CFDP1: variants seen among roughly 807,000 people sequenced by gnomAD.
CFDP1 encodes heterochromatin-stabilizing protein CFDP1.
CFDP1 carries 31 observed loss-of-function variants against 40.1 expected under a neutral mutation model. The observed-to-expected ratio is 0.77, with a 90% CI of 0.58 to 1.04. CFDP1 has a LOEUF of 1.04. Among genes scored for constraint, CFDP1 ranks in the 50% least tolerant of loss-of-function variants. The pLI, the probability that CFDP1 is intolerant of heterozygous loss-of-function variation, is 0.00. For missense variants in CFDP1, 423 were observed against 343.4 expected (o/e 1.23, Z -1.83); for synonymous variants, 167 against 120.0 (o/e 1.39, Z -2.56).
At chr16:75,353,383 T>C (rs897640632) in intron 5 of CFDP1, among the ~76,000 whole-genome samples, 2 of 152,142 alleles carry the variant, frequency 1.3e-5, no homozygotes. Context: ...ATATCAAAAA[T>C]TTATGTGTAA....
chr16:75,423,258 G>C (rs2079299954), intron 1 of CFDP1, among the ~76,000 whole-genome samples: 1 of 146,572 alleles, frequency 6.8e-6, no homozygotes, highest in African/African-American at 2.5e-5. Context: ...GCCAGCCTGG[G>C]TGACAGAGCA....
chr16:75,427,456 T>C (rs150034697), intron 1 of CFDP1, among the ~76,000 whole-genome samples: 2,097 of 152,214 alleles, frequency 0.014, 42 homozygotes, highest in African/African-American at 0.045. Flanking sequence ...TTTCAACATA[T>C]TGGCCAGGCT....
chr16:75,411,861 A>G lies in CFDP1; in HGVS notation c.494T>C (p.Ile165Thr). 6.2e-7 allele frequency: 1 copy of G among 1,611,524 alleles called. No homozygotes were observed. Among genetic ancestry groups the G allele is most frequent in the Non-Finnish European group, 8.5e-7 (1 of 1,179,520 alleles). ...EKPKETEKVK[I>T]TKVFDFAGEE... ...ACCAGCAAAATCAAACACCTTGGTGATTTTAACTTTTTCTGTTTCTTTAGG... is the reference window on the plus strand; with the variant it reads ...ACCAGCAAAATCAAACACCTTGGTGGTTTTAACTTTTTCTGTTTCTTTAGG... Residue 165 changes from isoleucine (I) to threonine (T), a missense_variant, in exon 4 of 7, where the codon ATC becomes ACC. Ile to Thr is a moderately conservative substitution (Grantham distance 89, BLOSUM62 -1). Transcript: ENST00000283882.
intron 6 of CFDP1, among the ~76,000 whole-genome samples, chr16:75,303,194 C>T (rs1803149725): frequency 6.7e-6 from 1 of 149,480 alleles, no homozygotes; most frequent in South Asian, 2.2e-4. Flanking sequence ...GGTGAAACCC[C>T]GTCTCTACTA....
intron 5 of CFDP1, among the ~76,000 whole-genome samples, chr16:75,365,765 G>A (rs1174324783): frequency 6.6e-6 from 1 of 152,090 alleles, no homozygotes; most frequent in Non-Finnish European, 1.5e-5. Flanking sequence ...CATCAGAGAA[G>A]ATATACAAAT....
intron 4 of CFDP1, among the ~76,000 whole-genome samples, chr16:75,410,283 C>T (rs560210798): frequency 6.6e-6 from 1 of 152,030 alleles, no homozygotes; most frequent in East Asian, 1.9e-4. Flanking sequence ...GGCACTTCCT[C>T]TGTTCTCATG....
chr16:75,311,808 T>C (rs1322523082), intron 5 of CFDP1, among the ~76,000 whole-genome samples: 1 of 151,470 alleles, frequency 6.6e-6, no homozygotes, highest in Non-Finnish European at 1.5e-5. Context: ...TCTTGCTATG[T>C]TGCCCAGACT....
At chr16:75,351,395 T>A (rs1249493050) in intron 5 of CFDP1, among the ~76,000 whole-genome samples, 1 of 152,182 alleles carries the variant, frequency 6.6e-6, no homozygotes, top group Non-Finnish European at 1.5e-5. Flanking sequence ...ATACCAGGTC[T>A]GGGACAGGAA....
chr16:75,332,446 C>T (rs1437174163), intron 5 of CFDP1, among the ~76,000 whole-genome samples: 1 of 151,816 alleles, frequency 6.6e-6, no homozygotes, highest in Non-Finnish European at 1.5e-5. Context: ...GCCTGGGTGA[C>T]AGAGTGAGAC....
chr16:75,382,008 C>T (rs936440387), intron 5 of CFDP1, among the ~76,000 whole-genome samples: 2 of 151,666 alleles, frequency 1.3e-5, no homozygotes, highest in Non-Finnish European at 1.5e-5. Context: ...CCCAGCTACA[C>T]AGGAGGCTGA....
At chr16:75,360,704 C>G (rs146714690) in intron 5 of CFDP1, among the ~76,000 whole-genome samples, 1 of 152,234 alleles carries the variant, frequency 6.6e-6, no homozygotes, top group African/African-American at 2.4e-5. Flanking sequence ...CAGAATAAGT[C>G]TTATTAATAA....
chr16:75,299,981 G>A (rs1392069704), intron 6 of CFDP1, among the ~76,000 whole-genome samples: 3 of 152,100 alleles, frequency 2.0e-5, no homozygotes, highest in Non-Finnish European at 4.4e-5. Flanking sequence ...GGGGAGAAGA[G>A]GACAGAGGTA....
chr16:75,384,755 G>A lies in CFDP1; in HGVS notation c.650+10335C>T, dbSNP rs1031467873. ...TGGAAGTCACAAAATGGAATACCAG[G>A]CAGGCATAAAAAAAATACAGATGTT... On this transcript the variant is annotated intron_variant, in intron 5 of 6. Transcript: ENST00000283882. Among the ~76,000 whole-genome samples, 2 of 151,218 alleles carry A rather than the reference G, an allele frequency of 1.3e-5. 1 individual carries two copies. The highest frequency in any genetic ancestry group is 4.2e-4 in the South Asian group (2 of 4,802).
rs955372852 is a variant in CFDP1 at position 75,387,780 on chromosome 16, T to C, written c.650+7310A>G. Reference sequence around the variant, plus strand: ...CACATCTTGTCCACAGCTTCACTGTTGCTGCTGACAGGTATCAATGTACAA... The same window carrying C: ...CACATCTTGTCCACAGCTTCACTGTCGCTGCTGACAGGTATCAATGTACAA... On this transcript the variant is annotated intron_variant, in intron 5 of 6. Transcript: ENST00000283882. 5.9e-5 allele frequency among the ~76,000 whole-genome samples: 9 copies of C among 152,240 alleles called. No individual in the cohort carries two copies. In the East Asian group the frequency reaches 1.7e-3, roughly 29 times the overall value.
At chr16:75,428,368 C>A (rs147262923) in intron 1 of CFDP1, among the ~76,000 whole-genome samples, 1 of 152,124 alleles carries the variant, frequency 6.6e-6, no homozygotes. Flanking sequence ...GTAATCCCAG[C>A]ACTTTGGGAG....
At chr16:75,363,779 T>A (rs957401777) in intron 5 of CFDP1, among the ~76,000 whole-genome samples, 1 of 152,198 alleles carries the variant, frequency 6.6e-6, no homozygotes, top group African/African-American at 2.4e-5. Context: ...AGCACTGACA[T>A]AGGAAATTGA....
chr16:75,340,701 C>A (rs529166532), intron 5 of CFDP1, among the ~76,000 whole-genome samples: 2 of 152,216 alleles, frequency 1.3e-5, no homozygotes, highest in African/African-American at 2.4e-5. Context: ...CATTGATAGA[C>A]GCTCTACTTC....
chr16:75,414,533 G>C (rs967368815), intron 2 of CFDP1, 45 bp downstream of exon 2: 1 of 1,147,794 alleles, frequency 8.7e-7, no homozygotes, highest in East Asian at 2.3e-5. Flanking sequence ...CAGGATGGTT[G>C]TGACAATAGC....
At chr16:75,375,425 T>C (rs2078784602) in intron 5 of CFDP1, among the ~76,000 whole-genome samples, 1 of 152,138 alleles carries the variant, frequency 6.6e-6, no homozygotes, top group Non-Finnish European at 1.5e-5. Flanking sequence ...TGAAAAGATG[T>C]CATTATTATT....
Sources: gnomAD v4.1 joint callset for allele counts (sites outside exome capture counted in the v4.1 genomes callset) on GRCh38, gnomAD v4.1.1 for gene constraint, MANE v1.5 for transcripts, NCBI Gene and HGNC (gene_info 2026-07-23, HGNC 2026-07-21) for gene names.